LRMDA: variants seen among roughly 807,000 people sequenced by gnomAD.
LRMDA encodes the protein leucine-rich melanocyte differentiation-associated protein.
In LRMDA, 18 loss-of-function variants were observed where a neutral mutation model predicts 29.8. The ratio of observed to expected loss-of-function variants is 0.60; its 90% CI spans 0.42 to 0.90. LRMDA has a LOEUF of 0.90. Ranked by LOEUF, LRMDA falls within the 40% of genes least tolerant of loss-of-function variation. The pLI is 0.00. For missense variants in LRMDA, 273 were observed against 273.9 expected (o/e 1.00, Z 0.02); for synonymous variants, 125 against 109.4 (o/e 1.14, Z -0.89).
At chr10:75,796,960 G>A (rs185840304) in intron 2 of LRMDA, among the ~76,000 whole-genome samples, 31 of 152,166 alleles carry the variant, frequency 2.0e-4, no homozygotes, top group Admixed American at 1.6e-3. Context: ...TAAGATTTAG[G>A]GATAAGGGTT....
chr10:76,166,837 G>T (rs950187502), intron 5 of LRMDA, among the ~76,000 whole-genome samples: 3 of 152,042 alleles, frequency 2.0e-5, no homozygotes, highest in Non-Finnish European at 4.4e-5. Flanking sequence ...TCGAATGGTA[G>T]CTCTATTTTT....
intron 2 of LRMDA, among the ~76,000 whole-genome samples, chr10:75,543,234 C>T (rs1840041172): frequency 1.3e-5 from 2 of 152,180 alleles, no homozygotes; most frequent in Non-Finnish European, 2.9e-5. Flanking sequence ...CGCATGAGGC[C>T]ATGGGTCCCT....
intron 2 of LRMDA, among the ~76,000 whole-genome samples, chr10:75,988,667 G>C (rs1189813843): frequency 6.6e-6 from 1 of 152,038 alleles, no homozygotes; most frequent in Admixed American, 6.5e-5. Flanking sequence ...GCCACGGAGT[G>C]CTCTGTTAAA....
intron 5 of LRMDA, among the ~76,000 whole-genome samples, chr10:76,104,530 T>G (rs1418840088): frequency 2.0e-5 from 1 of 51,074 alleles, no homozygotes; most frequent in South Asian, 3.9e-4. Flanking sequence ...CAGCTCTAGG[T>G]CTCCCTGCAG....
At chr10:75,786,859 C>G (rs1195660458) in intron 2 of LRMDA, among the ~76,000 whole-genome samples, 1 of 152,204 alleles carries the variant, frequency 6.6e-6, no homozygotes, top group Non-Finnish European at 1.5e-5. Context: ...TTTGGGCACA[C>G]AAGTTGTACT....
chr10:75,958,757 AC>A (rs1282864181), intron 2 of LRMDA, among the ~76,000 whole-genome samples: 2 of 152,204 alleles, frequency 1.3e-5, no homozygotes, highest in African/African-American at 4.8e-5. Context: ...ATAAAGACAT[AC>A]CCGAGACTCG....
intron 5 of LRMDA, among the ~76,000 whole-genome samples, chr10:76,153,193 A>G (rs1282686840): frequency 6.6e-6 from 1 of 152,116 alleles, no homozygotes; most frequent in Non-Finnish European, 1.5e-5. Context: ...GAGTTACAAG[A>G]GTTCTTTATA....
At chr10:76,114,447 G>A (rs1391658161) in intron 5 of LRMDA, among the ~76,000 whole-genome samples, 1 of 152,154 alleles carries the variant, frequency 6.6e-6, no homozygotes, top group East Asian at 1.9e-4. Flanking sequence ...CCTAGGCTTG[G>A]CTTCCACTTT....
chr10:75,499,706 C>T (rs1845090758), intron 2 of LRMDA, among the ~76,000 whole-genome samples: 1 of 152,138 alleles, frequency 6.6e-6, no homozygotes, highest in African/African-American at 2.4e-5. Context: ...TAGACAGCCT[C>T]CTCTGACACA....
At chr10:76,013,042 G>A (rs1847812984) in intron 2 of LRMDA, among the ~76,000 whole-genome samples, 1 of 152,130 alleles carries the variant, frequency 6.6e-6, no homozygotes, top group South Asian at 2.1e-4. Flanking sequence ...AAAAAAGGGA[G>A]CAAAGACTGT....
At chr10:76,025,560 T>C (rs1040985919) in intron 2 of LRMDA, among the ~76,000 whole-genome samples, 1 of 152,090 alleles carries the variant, frequency 6.6e-6, no homozygotes, top group Admixed American at 6.6e-5. Flanking sequence ...GCATCATTTG[T>C]ATCCCCAGAT....
chr10:76,457,873 G>A (rs1031669736), intron 6 of LRMDA, among the ~76,000 whole-genome samples: 2 of 152,106 alleles, frequency 1.3e-5, no homozygotes, highest in African/African-American at 4.8e-5. Context: ...GGGTGTAGCT[G>A]CTGCAAATGA....
chr10:75,590,551 C>T (rs1232893656), intron 2 of LRMDA, among the ~76,000 whole-genome samples: 2 of 151,708 alleles, frequency 1.3e-5, no homozygotes, highest in Non-Finnish European at 2.9e-5. Flanking sequence ...AATCACAGTG[C>T]GGGACATGGA....
At chr10:76,413,273 A>G (rs1009775838) in intron 6 of LRMDA, among the ~76,000 whole-genome samples, 1 of 152,196 alleles carries the variant, frequency 6.6e-6, no homozygotes, top group Non-Finnish European at 1.5e-5. Flanking sequence ...TGCATGAGCC[A>G]CATCACATCT....
At chr10:75,741,325 A>G (rs1006100317) in intron 2 of LRMDA, among the ~76,000 whole-genome samples, 14 of 152,088 alleles carry the variant, frequency 9.2e-5, no homozygotes, top group African/African-American at 3.4e-4. Flanking sequence ...TTCTCAGACC[A>G]CATGCCCGCC....
intron 5 of LRMDA, among the ~76,000 whole-genome samples, chr10:76,280,308 T>C (rs1470197512): frequency 1.3e-5 from 2 of 152,176 alleles, no homozygotes; most frequent in Non-Finnish European, 2.9e-5. Flanking sequence ...GGTATGATTC[T>C]CTTTTTGCCA....
At chr10:76,404,887 G>A (rs1042929076) in intron 6 of LRMDA, among the ~76,000 whole-genome samples, 1 of 152,174 alleles carries the variant, frequency 6.6e-6, no homozygotes. Flanking sequence ...AACAGGGAAA[G>A]GAGATGTTAC....
At chr10:75,458,872 G>T (rs1844551660) in intron 2 of LRMDA, among the ~76,000 whole-genome samples, 1 of 152,064 alleles carries the variant, frequency 6.6e-6, no homozygotes, top group South Asian at 2.1e-4. Context: ...GGAGCAAGCG[G>T]CTATTTTTAC....
chr10:76,102,299 C>T (rs181672243), intron 5 of LRMDA, among the ~76,000 whole-genome samples: 51 of 151,920 alleles, frequency 3.4e-4, no homozygotes, highest in African/African-American at 1.1e-3. Context: ...ATAGGTAAAC[C>T]GCGTTGTTGT....
Sources: allele counts gnomAD v4.1 joint callset (sites outside exome capture counted in the v4.1 genomes callset), GRCh38; gene constraint gnomAD v4.1.1; transcripts MANE v1.5; gene names NCBI Gene and HGNC (gene_info 2026-07-23, HGNC 2026-07-21).